Variants in TRAF3IP1 observed in about 807,000 individuals in gnomAD.
TRAF3IP1 encodes the protein intraflagellar transport 54.
TRAF3IP1 carries 53 observed loss-of-function variants against 89.9 expected under a neutral mutation model. The ratio of observed to expected loss-of-function variants is 0.59; its 90% CI spans 0.47 to 0.74. The LOEUF is 0.74. Among genes scored for constraint, TRAF3IP1 ranks in the 30% least tolerant of loss-of-function variants. The pLI is 0.00. For missense variants in TRAF3IP1, 806 were observed against 866.1 expected, an observed-to-expected ratio of 0.93 and a Z score of 0.87; for synonymous variants, 311 against 322.1, an observed-to-expected ratio of 0.97 and a Z score of 0.37.
chr2:238,352,756 G>A (rs1699230154), intron 12 of TRAF3IP1, 71 bp from the exon 13 acceptor site: 2 of 1,477,584 alleles, frequency 1.4e-6, no homozygotes, highest in Non-Finnish European at 1.8e-6. Context: ...GCCGACCTCT[G>A]ACACAGTTTC....
rs1701365759 is a variant in TRAF3IP1 at position 238,399,042 on chromosome 2, C to T, written c.*123C>T. 2.3e-6 allele frequency: 2 copies of T among 884,908 alleles called. No individual in the cohort carries two copies. The highest frequency in any genetic ancestry group is 1.6e-6 in the Non-Finnish European group (1 of 606,526). 54.8% of individuals were successfully genotyped at this position (884,908 alleles called of 1,614,324 possible). ...ATGAACAGTTTACAATGTTATTATC[C>T]AGCTAATTTTCAGAGCTTTAAAACT... On this transcript the variant is annotated 3_prime_UTR_variant, in exon 17 of 17. Coordinates refer to ENST00000373327, the MANE Select transcript of TRAF3IP1 (RefSeq NM_015650.4).
At chr2:238,396,008 A>G (rs1318888794) in intron 15 of TRAF3IP1, among the ~76,000 whole-genome samples, 1 of 152,168 alleles carries the variant, frequency 6.6e-6, no homozygotes, top group Non-Finnish European at 1.5e-5. Flanking sequence ...ATACCATTTG[A>G]CCCAGCCATC....
Position 238,320,786 on chromosome 2 carries a change from G to T in TRAF3IP1, c.123+1G>T, listed in dbSNP as rs1321646396. 1.4e-6 allele frequency: 2 copies of T among 1,413,330 alleles called. No individual in the cohort carries two copies. Among genetic ancestry groups the T allele is most frequent in the African/African-American group, 1.5e-5 (1 of 66,908 alleles). 87.5% of individuals were successfully genotyped at this position (1,413,330 alleles called of 1,614,324 possible). On this transcript the variant is annotated splice_donor_variant, in intron 1 of 16. Coordinates refer to ENST00000373327, the MANE Select transcript of TRAF3IP1 (RefSeq NM_015650.4). LOFTEE classifies it high-confidence loss of function. ...CTACCTGCACGACATCATCACGGAG[G>T]TGGGCGCCGGGGACCGGGCCCGGCC...
In TRAF3IP1 at chr2:238,397,490, A is replaced by C; in HGVS notation, c.1721A>C (p.Lys574Thr). 1 of 1,613,012 alleles carries C rather than the reference A, an allele frequency of 6.2e-7. No homozygotes were observed. Among genetic ancestry groups the C allele is most frequent in the South Asian group, 1.1e-5 (1 of 91,084 alleles). ...TCTCTCTTTGAGTCGGCATGGAAGAAGGAGAAGGACATCGTTTCCAAGGAG... is the reference window on the plus strand; with the variant it reads ...TCTCTCTTTGAGTCGGCATGGAAGACGGAGAAGGACATCGTTTCCAAGGAG... ...ERSLFESAWK[K>T]EKDIVSKEIE... Residue 574 changes from lysine (K) to threonine (T), a missense_variant, in exon 16 of 17, where the codon AAG becomes ACG. By Grantham distance (78) the Lys-to-Thr change is moderately conservative. Around this residue, in one of 3 missense-constraint regions of TRAF3IP1, gnomAD observed 732 missense variants for 780.5 expected, o/e 0.94. Transcript: ENST00000373327.
intron 15 of TRAF3IP1, among the ~76,000 whole-genome samples, chr2:238,360,911 A>G (rs1443506875): frequency 6.6e-6 from 1 of 152,002 alleles, no homozygotes; most frequent in Non-Finnish European, 1.5e-5. Flanking sequence ...TGTAATTTGC[A>G]TTTCCTTAAT....
At chr2:238,395,714 C>G (rs1040446114) in intron 15 of TRAF3IP1, among the ~76,000 whole-genome samples, 55 of 152,026 alleles carry the variant, frequency 3.6e-4, no homozygotes, top group African/African-American at 1.3e-3. Context: ...AAAAAGTGGG[C>G]AAAGGATATG....
In TRAF3IP1 at chr2:238,397,671, G is replaced by A; in HGVS notation, c.1902G>A (p.Gln634=). ...GGCAGCACGCCGAGGCCCTGCAGCAGGAGCAGAGGTGGGGGGTAGTAATGG... is the reference window on the plus strand; with the variant it reads ...GGCAGCACGCCGAGGCCCTGCAGCAAGAGCAGAGGTGGGGGGTAGTAATGG... ...ENRQHAEALQ[Q]EQRITDCAVE... Residue 634 remains glutamine, a synonymous_variant, in exon 16 of 17, where the codon CAG becomes CAA. Transcript: ENST00000373327. 1 of 1,609,900 alleles carries A rather than the reference G, an allele frequency of 6.2e-7. No homozygotes were observed. Among genetic ancestry groups the A allele is most frequent in the Non-Finnish European group, 8.5e-7 (1 of 1,179,124 alleles).
At chr2:238,358,540 A>C (rs1699523570) in intron 15 of TRAF3IP1, among the ~76,000 whole-genome samples, 1 of 152,202 alleles carries the variant, frequency 6.6e-6, no homozygotes, top group Non-Finnish European at 1.5e-5. Flanking sequence ...TCTCAAAAAA[A>C]ACATGTAGGA....
At chr2:238,327,011 G>A (rs756618573) in intron 3 of TRAF3IP1, among the ~76,000 whole-genome samples, 2 of 152,128 alleles carry the variant, frequency 1.3e-5, no homozygotes, top group Non-Finnish European at 2.9e-5. Flanking sequence ...AATCATCTCC[G>A]GCTTCCAGTA....
chr2:238,320,546 C>G lies in TRAF3IP1; in HGVS notation c.-117C>G. The G allele has an allele frequency of 9.8e-7, 1 of 1,022,570 alleles. No individual in the cohort carries two copies. Among genetic ancestry groups the G allele is most frequent in the Non-Finnish European group, 1.2e-6 (1 of 854,182 alleles). 63.3% of individuals were successfully genotyped at this position (1,022,570 alleles called of 1,614,324 possible). On this transcript the variant is annotated 5_prime_UTR_variant, in exon 1 of 17. Coordinates refer to ENST00000373327, the MANE Select transcript of TRAF3IP1 (RefSeq NM_015650.4). ...CTGTGGGATGGAAACCGGAGCGGCGCGTCCTGGCAGGACCGGGCGGCGGCG... is the reference window on the plus strand; with the variant it reads ...CTGTGGGATGGAAACCGGAGCGGCGGGTCCTGGCAGGACCGGGCGGCGGCG...
chr2:238,339,266 A>G (rs1288358524), intron 8 of TRAF3IP1, among the ~76,000 whole-genome samples: 1 of 152,228 alleles, frequency 6.6e-6, no homozygotes, highest in East Asian at 1.9e-4. Context: ...TATTCCAAGT[A>G]GGGTGACTAT....
At chr2:238,363,161 T>G (rs543721362) in intron 15 of TRAF3IP1, among the ~76,000 whole-genome samples, 4 of 152,350 alleles carry the variant, frequency 2.6e-5, no homozygotes, top group African/African-American at 9.6e-5. Flanking sequence ...GTTTTATAGA[T>G]ACTCACTTTT....
intron 15 of TRAF3IP1, among the ~76,000 whole-genome samples, chr2:238,373,176 C>T (rs1044747551): frequency 6.6e-6 from 1 of 152,160 alleles, no homozygotes; most frequent in Non-Finnish European, 1.5e-5. Flanking sequence ...GTTGCCATTG[C>T]TTTTGGTGTT....
At chr2:238,325,753 T>C in intron 2 of TRAF3IP1, 56 bp from the exon 3 acceptor site, 2 of 1,515,210 alleles carry the variant, frequency 1.3e-6, no homozygotes, top group East Asian at 4.5e-5. Flanking sequence ...ATACAGAAGA[T>C]AATGCACACT....
At position 238,352,966 on chromosome 2, in the gene TRAF3IP1, TATG is replaced by T. The variant is rs758218927; in HGVS notation, c.1575+20_1575+22del. On this transcript the variant is annotated intron_variant, in intron 13 of 16. Coordinates refer to ENST00000373327, the MANE Select transcript of TRAF3IP1 (RefSeq NM_015650.4). Reference sequence around the variant, plus strand: ...AATTGAAATGGTTAGTTAACCGAAATATGATGTTTTTTAATAATAATGTTTTAC... The same window carrying T: ...AATTGAAATGGTTAGTTAACCGAAATATGTTTTTTAATAATAATGTTTTAC... 5.0e-6 allele frequency: 8 copies of T among 1,599,988 alleles called. No homozygotes were observed. In the Admixed American group the frequency reaches 7.1e-5, roughly 14 times the overall value.
chr2:238,347,992 AT>A (rs1243677408), intron 10 of TRAF3IP1, among the ~76,000 whole-genome samples: 1 of 152,070 alleles, frequency 6.6e-6, no homozygotes, highest in African/African-American at 2.4e-5. Flanking sequence ...ACATTTCAGG[AT>A]TTTTTTCCAG....
chr2:238,333,401 G>A lies in TRAF3IP1; in HGVS notation c.987+506G>A, dbSNP rs565990575. ...CCCAAGCAGTAGGGGCCACTGAGAG[G>A]TTGAAGCCAACTTTCGTAATCCAAT... On this transcript the variant is annotated intron_variant, in intron 6 of 16. Coordinates refer to ENST00000373327, the MANE Select transcript of TRAF3IP1 (RefSeq NM_015650.4). Among the ~76,000 whole-genome samples, 31 of 152,296 alleles carry A rather than the reference G, an allele frequency of 2.0e-4. No individual in the cohort carries two copies. In the Middle Eastern group the frequency reaches 0.014, roughly 67 times the overall value.
chr2:238,334,256 C>T lies in TRAF3IP1; in HGVS notation c.1063+221C>T, dbSNP rs116010325. ...ACTGATGACATCAGGGCAGAGTAGCCCCTCTTTGCTGGAGATCTGTGTTGA... is the reference window on the plus strand; with the variant it reads ...ACTGATGACATCAGGGCAGAGTAGCTCCTCTTTGCTGGAGATCTGTGTTGA... On this transcript the variant is annotated intron_variant, in intron 7 of 16. Transcript: ENST00000373327. Among the ~76,000 whole-genome samples the T allele has an allele frequency of 3.9e-3, 591 of 152,182 alleles. 1 individual carries two copies. Among genetic ancestry groups the T allele is most frequent in the Non-Finnish European group, 6.7e-3 (455 of 68,014 alleles).
At chr2:238,354,521 G>T (rs1699315663) in intron 14 of TRAF3IP1, among the ~76,000 whole-genome samples, 1 of 152,178 alleles carries the variant, frequency 6.6e-6, no homozygotes, top group Non-Finnish European at 1.5e-5. Flanking sequence ...AGCAGCAGCG[G>T]CTGTCCCCAT....
Sources: allele counts gnomAD v4.1 joint callset (sites outside exome capture counted in the v4.1 genomes callset), GRCh38; gene constraint gnomAD v4.1.1; regional missense constraint gnomAD v4.1.1; transcripts MANE v1.5; gene names NCBI Gene and HGNC (gene_info 2026-07-23, HGNC 2026-07-21).